TBC1D1: variants seen among roughly 807,000 people sequenced by gnomAD.
The protein encoded by TBC1D1 is TBC1 (tre-2/USP6, BUB2, cdc16) domain family, member 1.
Under a neutral mutation model 125.6 loss-of-function variants are expected in TBC1D1, and 89 were observed. The observed-to-expected ratio is 0.71, with a 90% CI of 0.60 to 0.85. The LOEUF (loss-of-function observed/expected upper bound fraction) is 0.85, where lower values mean the gene tolerates loss of function less well. TBC1D1 is among the 40% of genes least tolerant of loss of function. The probability of loss-of-function intolerance (pLI) is 0.00; values close to 1 mark genes in which losing one functional copy is unlikely to be tolerated. For synonymous variants in TBC1D1, 565 were observed against 564.1 expected, an observed-to-expected ratio of 1.00 and a Z score of -0.02; for missense variants, 1,377 against 1,469.2, an observed-to-expected ratio of 0.94 and a Z score of 1.03.
intron 7 of TBC1D1, among the ~76,000 whole-genome samples, chr4:38,028,779 C>G (rs1241396051): frequency 6.6e-6 from 1 of 152,194 alleles, no homozygotes; most frequent in Non-Finnish European, 1.5e-5. Flanking sequence ...TCTGCCCGCC[C>G]CTTCCCGCTT....
chr4:37,902,594 A>G, intron 2 of TBC1D1, 82 bp downstream of exon 2: 1 of 1,130,754 alleles, frequency 8.8e-7, no homozygotes, highest in East Asian at 2.5e-5. Flanking sequence ...TATTTTAAGT[A>G]TACTGAAATG....
At position 38,049,826 on chromosome 4, in the gene TBC1D1, G is replaced by A. The variant is rs1325120230; in HGVS notation, c.1838G>A (p.Gly613Glu). 4 of 1,614,056 alleles carry A rather than the reference G, an allele frequency of 2.5e-6. No homozygotes were observed. Among genetic ancestry groups the A allele is most frequent in the South Asian group, 2.2e-5 (2 of 91,080 alleles). The stretch of plus-strand genomic sequence containing the variant: ...CAGGAACCTCCACAACCTGCCCGGG[G>A]GTCCCCGGGGGTTTCGCAAAGGAAA... Residue 613 changes from glycine to glutamate, a missense_variant, in exon 11 of 20, where the codon GGG becomes GAG. This residue lies in a region of TBC1D1 where 822 missense variants were observed against 824.6 expected (regional missense o/e 1.00). Coordinates refer to ENST00000261439, the MANE Select transcript of TBC1D1 (RefSeq NM_015173.4).
chr4:38,103,132 G>A lies in TBC1D1; in HGVS notation c.2532G>A (p.Gln844=), dbSNP rs757295741. The change falls in exon 15 of 20, where the codon CAG becomes CAA. Residue 844 remains glutamine (Q), a synonymous_variant. Coordinates refer to ENST00000261439, the MANE Select transcript of TBC1D1 (RefSeq NM_015173.4). ...AACTCTTAAAGCAGCTGACTTCCCA[G>A]CAGCATGCGATTCTTATTGACCTTG... 1.2e-6 allele frequency: 2 copies of A among 1,612,486 alleles called. No homozygotes were observed. The highest frequency in any genetic ancestry group is 4.5e-5 in the East Asian group (2 of 44,840).
At chr4:38,054,677 T>G (rs537095967) in intron 12 of TBC1D1, among the ~76,000 whole-genome samples, 1 of 152,254 alleles carries the variant, frequency 6.6e-6, no homozygotes, top group East Asian at 1.9e-4. Context: ...GAGGCAAGTT[T>G]TAGAGCAGCA....
At chr4:38,120,141 T>C (rs538000420) in intron 17 of TBC1D1, 1 of 982,204 alleles carries the variant, frequency 1.0e-6, no homozygotes, top group Middle Eastern at 5.2e-4. Context: ...TTGTAGGCAG[T>C]GGTGAGACTC....
intron 4 of TBC1D1, among the ~76,000 whole-genome samples, chr4:38,018,757 C>T (rs1048611316): frequency 2.0e-5 from 3 of 152,122 alleles, no homozygotes; most frequent in African/African-American, 7.2e-5. Context: ...GTGCATATTA[C>T]ACATATATAT....
chr4:37,952,980 T>C (rs1301799345), intron 2 of TBC1D1, among the ~76,000 whole-genome samples: 2 of 152,214 alleles, frequency 1.3e-5, no homozygotes, highest in African/African-American at 2.4e-5. Context: ...ATCAAAATTG[T>C]GCACGGCTAG....
At chr4:38,028,647 C>G (rs1207127913) in intron 7 of TBC1D1, among the ~76,000 whole-genome samples, 2 of 152,176 alleles carry the variant, frequency 1.3e-5, no homozygotes. Context: ...AACAGGCAAG[C>G]CTCTTCCTTA....
chr4:38,052,756 ACACACACAGG>A (rs1750985627), intron 11 of TBC1D1, among the ~76,000 whole-genome samples: 2 of 120,400 alleles, frequency 1.7e-5, no homozygotes, highest in Admixed American at 8.6e-5. Flanking sequence ...ACACACACAC[ACACACACAGG>A]ATAACATCTG....
Position 38,118,122 on chromosome 4 carries a change from C to T in TBC1D1, c.2892C>T (p.Leu964=), listed in dbSNP as rs1763269713. The stretch of plus-strand genomic sequence containing the variant: ...AGGAGCACGAGATCGGCCCCAGCCT[C>T]TACGCTGCCCCCTGGTTCCTCACCA... Residue 964 remains leucine (L), a synonymous_variant, in exon 17 of 20, where the codon CTC becomes CTT. Transcript: ENST00000261439. The T allele has an allele frequency of 2.5e-6, 4 of 1,614,220 alleles. No individual in the cohort carries two copies. The highest frequency in any genetic ancestry group is 1.3e-5 in the African/African-American group (1 of 75,050).
chr4:38,014,830 A>G lies in TBC1D1; in HGVS notation c.739A>G (p.Arg247Gly). 1 of 1,598,828 alleles carries G rather than the reference A, an allele frequency of 6.3e-7. No individual in the cohort carries two copies. The highest frequency in any genetic ancestry group is 1.7e-5 in the Admixed American group (1 of 59,402). Residue 247 changes from arginine to glycine, a missense_variant, in exon 3 of 20, where the codon AGG (arginine) becomes GGG (glycine). Transcript: ENST00000261439. The surrounding 1 kb of genome is among the most constrained non-coding windows in gnomAD (Gnocchi z 5.1). ...GCCCGGCCTGCGCTCGCTGGCCTTTAGGAAGGAGCTGCAGGATGGGGGCCT... is the reference window on the plus strand; with the variant it reads ...GCCCGGCCTGCGCTCGCTGGCCTTTGGGAAGGAGCTGCAGGATGGGGGCCT...
At chr4:38,133,302 GT>G in intron 19 of TBC1D1, 45 bp downstream of exon 21, 1 of 1,574,250 alleles carries the variant, frequency 6.4e-7, no homozygotes, top group Non-Finnish European at 8.7e-7. Context: ...CAAATATATG[GT>G]AGTTCATTAA....
rs898057795 is a variant in TBC1D1 at position 38,093,616 on chromosome 4, C to G, written c.2237-2313C>G. The stretch of plus-strand genomic sequence containing the variant: ...CTCGGCTCACTGCAACCTCCGCCTC[C>G]TGGGTTCAAGCGATTCTCCTGTCTT... On this transcript the variant is annotated intron_variant, in intron 13 of 19. Coordinates refer to ENST00000261439, the MANE Select transcript of TBC1D1 (RefSeq NM_015173.4). Among the ~76,000 whole-genome samples the G allele has an allele frequency of 4.6e-5, 7 of 151,090 alleles. No individual in the cohort carries two copies. The Admixed American group carries it at 4.6e-4, about 10-fold the overall frequency.
In TBC1D1 at chr4:38,014,396, A is replaced by G; in HGVS notation, c.418-113A>G. The G allele has an allele frequency of 9.9e-7, 1 of 1,007,550 alleles. No homozygotes were observed. The highest frequency in any genetic ancestry group is 1.5e-6 in the Non-Finnish European group (1 of 677,108). The allele number at this position is 1,007,550 out of a possible 1,614,324, so 62.4% of individuals were successfully genotyped here. A position where few individuals can be genotyped will look rare whatever the true frequency, so the allele number is the denominator to read the frequency against. On this transcript the variant is annotated intron_variant, in intron 2 of 19. Transcript: ENST00000261439. This position sits in a 1 kb window ranked among gnomAD's most constrained non-coding sequence, Gnocchi z 5.1. Reference sequence around the variant, plus strand: ...TCCTCCTCCAGTGGGCTCCTCCTCCAGTGCTCCGCAGTGGAGTAGCCAGCG... The same window carrying G: ...TCCTCCTCCAGTGGGCTCCTCCTCCGGTGCTCCGCAGTGGAGTAGCCAGCG...
At position 37,995,023 on chromosome 4, in the gene TBC1D1, TG is replaced by T. The variant is rs1274556421; in HGVS notation, c.418-19483del. ...TTGGCATTTTTTTGGTTTTGTTTTG[TG>T]GGTATTTTTTTATTTTTGTATTTTC... is the stretch of plus-strand genomic sequence containing the variant. On this transcript the variant is annotated intron_variant, in intron 2 of 19. Transcript: ENST00000261439. This position sits in a 1 kb window ranked among gnomAD's most constrained non-coding sequence, Gnocchi z 4.3. Among the ~76,000 whole-genome samples, 4 of 152,186 alleles carry T rather than the reference TG, an allele frequency of 2.6e-5. No homozygotes were observed. Among genetic ancestry groups the T allele is most frequent in the African/African-American group, 9.7e-5 (4 of 41,446 alleles).
At chr4:37,896,958 G>T (rs1408473474) in intron 1 of TBC1D1, among the ~76,000 whole-genome samples, 1 of 152,084 alleles carries the variant, frequency 6.6e-6, no homozygotes, top group Non-Finnish European at 1.5e-5. Flanking sequence ...GACTGTGCTA[G>T]GTGGGAGTTG....
chr4:38,055,910 T>A (rs1239582169), intron 12 of TBC1D1, among the ~76,000 whole-genome samples: 2 of 152,088 alleles, frequency 1.3e-5, no homozygotes, highest in East Asian at 1.9e-4. Context: ...CTGAAAGGGG[T>A]GCCAGAACCC....
chr4:37,946,616 G>A (rs1487500814), intron 2 of TBC1D1, among the ~76,000 whole-genome samples: 1 of 152,160 alleles, frequency 6.6e-6, no homozygotes, highest in Non-Finnish European at 1.5e-5. Flanking sequence ...GGTCAACAGT[G>A]GCCCAGGGAA....
At chr4:38,123,026 C>T (rs1187672347) in intron 17 of TBC1D1, among the ~76,000 whole-genome samples, 1 of 152,152 alleles carries the variant, frequency 6.6e-6, no homozygotes, top group African/African-American at 2.4e-5. Flanking sequence ...CAGAAGATCT[C>T]CTGTTAACCT....
Sources: gnomAD v4.1 joint callset for allele counts (sites outside exome capture counted in the v4.1 genomes callset) on GRCh38, gnomAD v4.1.1 for gene constraint, gnomAD v4.1.1 regional missense constraint, Gnocchi (gnomAD v3.1) non-coding constraint, MANE v1.5 for transcripts, NCBI Gene and HGNC (gene_info 2026-07-23, HGNC 2026-07-21) for gene names.